SORCS2: variants seen among roughly 807,000 people sequenced by gnomAD.
SORCS2 encodes VPS10 domain-containing receptor SorCS2.
Under a neutral mutation model 141.6 loss-of-function variants are expected in SORCS2, and 100 were observed. That is an observed-to-expected ratio of 0.71 (90% CI 0.60 to 0.83). The LOEUF (loss-of-function observed/expected upper bound fraction) is 0.83, where lower values mean the gene tolerates loss of function less well. Ranked by LOEUF, SORCS2 falls within the 40% of genes least tolerant of loss-of-function variation. The pLI is 0.00. For missense variants in SORCS2, 1,646 were observed against 1,560.2 expected (o/e 1.05, Z -0.93); for synonymous variants, 789 against 676.9 (o/e 1.17, Z -2.57).
Position 7,232,203 on chromosome 4 carries a change from G to A in SORCS2, c.480+39077G>A, listed in dbSNP as rs193033353. 4.7e-4 allele frequency among the ~76,000 whole-genome samples: 71 copies of A among 152,154 alleles called. No homozygotes were observed. In the East Asian group the frequency reaches 0.013, roughly 29 times the overall value. On this transcript the variant is annotated intron_variant, in intron 1 of 26. Coordinates refer to ENST00000507866, the MANE Select transcript of SORCS2 (RefSeq NM_020777.3). ...AAGCATGGGCTGTGGGAGTAGCCTA[G>A]GGGAGCAGTGGGGAGGCCTGGGCTT...
chr4:7,485,853 A>G (rs527866778), intron 2 of SORCS2, among the ~76,000 whole-genome samples: 79 of 152,214 alleles, frequency 5.2e-4, no homozygotes, highest in African/African-American at 1.8e-3. Context: ...CTGGGAGAGA[A>G]AGGACTGAGT....
chr4:7,534,582 G>A (rs1440606435), intron 3 of SORCS2, among the ~76,000 whole-genome samples: 2 of 152,232 alleles, frequency 1.3e-5, no homozygotes, highest in East Asian at 1.9e-4. Context: ...TTGTCTGAGT[G>A]GGATCAGCTC....
chr4:7,402,620 C>A (rs901712231), intron 2 of SORCS2, among the ~76,000 whole-genome samples: 1 of 152,182 alleles, frequency 6.6e-6, no homozygotes, highest in Non-Finnish European at 1.5e-5. Context: ...CCTGTGAACA[C>A]GTCTCCAGTC....
intron 2 of SORCS2, among the ~76,000 whole-genome samples, chr4:7,459,187 C>T (rs1456368673): frequency 6.6e-6 from 1 of 152,154 alleles, no homozygotes; most frequent in Non-Finnish European, 1.5e-5. Context: ...TCCGAGCCCT[C>T]CCTGCCCCAC....
intron 2 of SORCS2, among the ~76,000 whole-genome samples, chr4:7,510,530 G>T (rs1295878653): frequency 6.6e-6 from 1 of 152,278 alleles, no homozygotes. Context: ...CAGCCAGGGA[G>T]GGGCAGTGCC....
intron 3 of SORCS2, among the ~76,000 whole-genome samples, chr4:7,548,585 A>G (rs768992421): frequency 2.6e-5 from 4 of 152,280 alleles, no homozygotes; most frequent in African/African-American, 9.6e-5. Flanking sequence ...AGTGACACAC[A>G]TGGGAGCTGG....
Position 7,741,617 on chromosome 4 carries a change from A to C in SORCS2, c.*1353A>C. On this transcript the variant is annotated 3_prime_UTR_variant, in exon 27 of 27. Transcript: ENST00000507866. ...ATGTGCTGGCTGGGGGTGAATCCCAATGAGGGTCCCTCTCAGAGCGGGAGA... is the reference window on the plus strand; with the variant it reads ...ATGTGCTGGCTGGGGGTGAATCCCACTGAGGGTCCCTCTCAGAGCGGGAGA... 10 of 181,512 alleles carry C rather than the reference A, an allele frequency of 5.5e-5. No homozygotes were observed. Among genetic ancestry groups the C allele is most frequent in the East Asian group, 2.4e-4 (2 of 8,440 alleles). 11.2% of individuals were successfully genotyped at this position (181,512 alleles called of 1,614,324 possible). A position where few individuals can be genotyped will look rare whatever the true frequency, so the allele number is the denominator to read the frequency against.
At chr4:7,352,008 A>C (rs1424168140) in intron 1 of SORCS2, among the ~76,000 whole-genome samples, 1 of 150,808 alleles carries the variant, frequency 6.6e-6, no homozygotes, top group Non-Finnish European at 1.5e-5. Context: ...TTACCCATCC[A>C]CCCCTTAATC....
chr4:7,381,740 G>A (rs1040924559), intron 1 of SORCS2, among the ~76,000 whole-genome samples: 7 of 149,572 alleles, frequency 4.7e-5, no homozygotes, highest in East Asian at 2.1e-4. Flanking sequence ...CCTGACTCCC[G>A]CCCCCACCCA....
intron 9 of SORCS2, among the ~76,000 whole-genome samples, chr4:7,677,920 G>C (rs1405109795): frequency 6.6e-6 from 1 of 152,120 alleles, no homozygotes; most frequent in African/African-American, 2.4e-5. Flanking sequence ...TTCCAGCACA[G>C]ACCTGCCTCC....
At chr4:7,582,402 T>G (rs1380918292) in intron 3 of SORCS2, among the ~76,000 whole-genome samples, 1 of 152,210 alleles carries the variant, frequency 6.6e-6, no homozygotes, top group Non-Finnish European at 1.5e-5. Flanking sequence ...CTCCAGGTAG[T>G]TGAACATCTG....
intron 1 of SORCS2, among the ~76,000 whole-genome samples, chr4:7,262,481 C>A (rs561016493): frequency 6.6e-6 from 1 of 152,004 alleles, no homozygotes; most frequent in Non-Finnish European, 1.5e-5. Flanking sequence ...AGTGTGGTAA[C>A]AAGACAGACA....
chr4:7,696,079 GAACT>G (rs1724689545), intron 11 of SORCS2, among the ~76,000 whole-genome samples: 1 of 152,170 alleles, frequency 6.6e-6, no homozygotes, highest in Non-Finnish European at 1.5e-5. Context: ...GCCACTCTGA[GAACT>G]AACTTTTAAT....
At chr4:7,417,048 A>G (rs1463521530) in intron 2 of SORCS2, among the ~76,000 whole-genome samples, 1 of 151,966 alleles carries the variant, frequency 6.6e-6, no homozygotes, top group African/African-American at 2.4e-5. Context: ...TGCCCTGGGG[A>G]TATGATGCAT....
chr4:7,357,675 A>G (rs1009339170), intron 1 of SORCS2, among the ~76,000 whole-genome samples: 2 of 152,228 alleles, frequency 1.3e-5, no homozygotes, highest in Non-Finnish European at 2.9e-5. Flanking sequence ...GAGAGAAGTC[A>G]AATACCTTTC....
chr4:7,668,538 C>T (rs1722627277), intron 8 of SORCS2, among the ~76,000 whole-genome samples: 1 of 152,166 alleles, frequency 6.6e-6, no homozygotes, highest in Non-Finnish European at 1.5e-5. Flanking sequence ...ATGTAAAGTG[C>T]TTGCACATGG....
rs1157919826 is a variant in SORCS2 at position 7,201,923 on chromosome 4, G to A, written c.480+8797G>A. ...TGGCCACCGGGAGGGCAAGGTCTCC[G>A]TCTGTAGCTTTGGAAAGGTGAAGGC... is the stretch of plus-strand genomic sequence containing the variant. On this transcript the variant is annotated intron_variant, in intron 1 of 26. Transcript: ENST00000507866. The surrounding 1 kb of genome is among the most constrained non-coding windows in gnomAD (Gnocchi z 4.4). 1.3e-5 allele frequency among the ~76,000 whole-genome samples: 2 copies of A among 152,120 alleles called. No individual in the cohort carries two copies. The highest frequency in any genetic ancestry group is 2.9e-5 in the Non-Finnish European group (2 of 68,034).
In SORCS2 at chr4:7,742,059, C is replaced by G. The variant is rs57984253; in HGVS notation, c.*1795C>G. 21,290 of 151,970 alleles carry G rather than the reference C, an allele frequency of 0.14. 1,552 individuals are homozygous for G. Among genetic ancestry groups the G allele is most frequent in the Middle Eastern group, 0.21 (62 of 296 alleles). 9.4% of individuals were successfully genotyped at this position (151,970 alleles called of 1,614,324 possible). Reference sequence around the variant, plus strand: ...TTCCACCTGTCCCCCAGACCCAAAGCTCTCTCCCCACCCTACCTGCCCACC... The same window carrying G: ...TTCCACCTGTCCCCCAGACCCAAAGGTCTCTCCCCACCCTACCTGCCCACC... On this transcript the variant is annotated 3_prime_UTR_variant, in exon 27 of 27. Transcript: ENST00000507866.
chr4:7,706,072 C>T (rs112418450), intron 14 of SORCS2, among the ~76,000 whole-genome samples: 71 of 133,896 alleles, frequency 5.3e-4, no homozygotes, highest in East Asian at 3.9e-3. Context: ...AGGGATGAGG[C>T]TGGGCTCTGC....
Sources: gnomAD v4.1 joint callset for allele counts (sites outside exome capture counted in the v4.1 genomes callset) on GRCh38, gnomAD v4.1.1 for gene constraint, Gnocchi (gnomAD v3.1) non-coding constraint, MANE v1.5 for transcripts, NCBI Gene and HGNC (gene_info 2026-07-23, HGNC 2026-07-21) for gene names.